The following AMZ1 variants were observed in gnomAD, a reference collection of about 807,000 sequenced individuals.
The protein encoded by AMZ1 is archaelysin family metallopeptidase 1, also known as archaemetzincin-1.
In AMZ1, 39 loss-of-function variants were observed where a neutral mutation model predicts 29.9. The observed-to-expected ratio is 1.30, with a 90% CI of 1.01 to 1.70. The LOEUF (loss-of-function observed/expected upper bound fraction) is 1.70. AMZ1 is among the 40% of genes most tolerant of loss of function. AMZ1 has a pLI of 0.00. For synonymous variants in AMZ1, 458 were observed against 304.0 expected, an observed-to-expected ratio of 1.51 and a Z score of -5.27; for missense variants, 1,041 against 680.6, an observed-to-expected ratio of 1.53 and a Z score of -5.89.
intron 4 of AMZ1, among the ~76,000 whole-genome samples, chr7:2,751,727 C>T (rs548662547): frequency 6.6e-6 from 1 of 152,292 alleles, no homozygotes; most frequent in South Asian, 2.1e-4. Context: ...GAGAATGTTC[C>T]AAACAACTTT....
Position 2,695,102 on chromosome 7 carries a change from G to A in AMZ1, c.-218-5132G>A, listed in dbSNP as rs898481711. 3.9e-5 allele frequency among the ~76,000 whole-genome samples: 6 copies of A among 152,142 alleles called. 1 individual carries two copies. Among genetic ancestry groups the A allele is most frequent in the East Asian group, 3.8e-4 (2 of 5,202 alleles). On this transcript the variant is annotated intron_variant, in intron 1 of 6. Transcript: ENST00000683327. ...CTGGCTGACTTGGGTCTGTCCTCACGGCTCCTCCTTGCTCAGCCTCTGGCC... is the reference window on the plus strand; with the variant it reads ...CTGGCTGACTTGGGTCTGTCCTCACAGCTCCTCCTTGCTCAGCCTCTGGCC...
chr7:2,694,918 C>T (rs1175025391), intron 1 of AMZ1, among the ~76,000 whole-genome samples: 1 of 152,184 alleles, frequency 6.6e-6, no homozygotes, highest in East Asian at 1.9e-4. Context: ...AGTGATCCGC[C>T]TGCCTCGACC....
chr7:2,738,945 G>A (rs1341040700), intron 4 of AMZ1, among the ~76,000 whole-genome samples: 1 of 151,984 alleles, frequency 6.6e-6, no homozygotes, highest in Non-Finnish European at 1.5e-5. Context: ...CTGTGCCTGT[G>A]GACACCTCGT....
intron 6 of AMZ1, among the ~76,000 whole-genome samples, chr7:2,710,779 C>A (rs1788722831): frequency 6.6e-6 from 1 of 152,214 alleles, no homozygotes; most frequent in African/African-American, 2.4e-5. Context: ...TGGGGGGAAC[C>A]CAGGCGCAGC....
intron 1 of AMZ1, among the ~76,000 whole-genome samples, chr7:2,691,730 C>CA (rs55752807): frequency 0.014 from 1,195 of 84,614 alleles, 47 homozygotes; most frequent in African/African-American, 0.048. Flanking sequence ...GGCTCCGTCT[C>CA]AAAAAAAAAA....
At chr7:2,708,968 C>G (rs573124716) in intron 4 of AMZ1, 107 bp from the exon 5 acceptor site, 3 of 1,394,528 alleles carry the variant, frequency 2.2e-6, no homozygotes, top group African/African-American at 2.9e-5. Flanking sequence ...ACTGGTATGT[C>G]TTTGGGCCAT....
chr7:2,744,987 C>T (rs548387671), intron 4 of AMZ1, among the ~76,000 whole-genome samples: 22 of 152,186 alleles, frequency 1.4e-4, no homozygotes, highest in Admixed American at 2.6e-4. Flanking sequence ...TAAAAAGAAA[C>T]GAACAAGGCC....
intron 1 of AMZ1, among the ~76,000 whole-genome samples, chr7:2,689,306 C>T (rs974538389): frequency 9.9e-5 from 15 of 152,092 alleles, no homozygotes; most frequent in African/African-American, 3.4e-4. Flanking sequence ...GGCAGCCTGA[C>T]CTTGGATACC....
Position 2,716,148 on chromosome 7 carries a change from A to T in AMZ1, c.*3270A>T, listed in dbSNP as rs577023353. 6.6e-6 allele frequency: 1 copy of T among 152,352 alleles called. No homozygotes were observed. Among genetic ancestry groups the T allele is most frequent in the South Asian group, 2.1e-4 (1 of 4,826 alleles). The allele number at this position is 152,352 out of a possible 1,614,324, so 9.4% of individuals were successfully genotyped here. On this transcript the variant is annotated 3_prime_UTR_variant, in exon 7 of 7. Coordinates refer to ENST00000683327, the MANE Select transcript of AMZ1 (RefSeq NM_001384743.1). ...GTGCGATGAGTCTGGGGAAGCTAAC[A>T]CATGCCTTCTGAAGTGGCTAGAATA...
intron 4 of AMZ1, among the ~76,000 whole-genome samples, chr7:2,751,949 G>C (rs572829244): frequency 6.6e-6 from 1 of 152,128 alleles, no homozygotes; most frequent in Admixed American, 6.5e-5. Flanking sequence ...ACTAACGAAC[G>C]TGAACTTTTT....
At chr7:2,697,558 G>A (rs779893466) in intron 1 of AMZ1, among the ~76,000 whole-genome samples, 3 of 151,810 alleles carry the variant, frequency 2.0e-5, no homozygotes, top group Non-Finnish European at 4.4e-5. Flanking sequence ...TGAGTTGCTG[G>A]GACTACAGGT....
intron 1 of AMZ1, among the ~76,000 whole-genome samples, chr7:2,692,585 C>T (rs1391069218): frequency 6.6e-6 from 1 of 152,042 alleles, no homozygotes; most frequent in African/African-American, 2.4e-5. Flanking sequence ...CATGCCAGAG[C>T]CCTCGGAGTT....
chr7:2,735,028 T>G (rs1437102959), intron 4 of AMZ1, among the ~76,000 whole-genome samples: 1 of 152,206 alleles, frequency 6.6e-6, no homozygotes, highest in Non-Finnish European at 1.5e-5. Context: ...CCCGTGGCTG[T>G]GCCAAGTCCC....
rs748921179 is a variant in AMZ1 at position 2,700,686 on chromosome 7, A to T, written c.235A>T (p.Thr79Ser). 1 of 1,612,824 alleles carries T rather than the reference A, an allele frequency of 6.2e-7. No homozygotes were observed. The highest frequency in any genetic ancestry group is 1.7e-5 in the Admixed American group (1 of 60,022). The change falls in exon 2 of 7, where the codon ACC (threonine) becomes TCC (serine). Residue 79 changes from threonine (T) to serine (S), a missense_variant. By Grantham distance (58) the Thr-to-Ser change is moderately conservative. Transcript: ENST00000683327. ...SRPEAPEDFQ[T>S]FHASLQHRKP... ...ACCCGAGGCTCCCGAGGACTTCCAG[A>T]CCTTCCACGCCTCCCTGCAGCACCG...
At chr7:2,724,103 G>GT (rs1479298370), downstream of AMZ1, among the ~76,000 whole-genome samples, 3 of 150,986 alleles carry the variant, frequency 2.0e-5, no homozygotes, top group Admixed American at 1.3e-4. Context: ...GATGGGGAGT[G>GT]GGGGGGCGGG....
chr7:2,709,229 G>C lies in AMZ1; in HGVS notation c.756G>C (p.Met252Ile). ...GWALCFSALGMVQCCKVTCHE... is the reference protein window; with the variant it reads ...GWALCFSALGIVQCCKVTCHE... The stretch of plus-strand genomic sequence containing the variant: ...CCCTGTGCTTCAGTGCCCTGGGGAT[G>C]GTTCAGTGCTGCAAGGTGGGTGGGG... The change falls in exon 5 of 7, where the codon ATG becomes ATC. Residue 252 changes from methionine (M) to isoleucine (I), a missense_variant. Transcript: ENST00000683327. 6.7e-7 allele frequency: 1 copy of C among 1,502,736 alleles called. No homozygotes were observed. Among genetic ancestry groups the C allele is most frequent in the South Asian group, 1.4e-5 (1 of 73,776 alleles). The allele number at this position is 1,502,736 out of a possible 1,614,324, so 93.1% of individuals were successfully genotyped here.
At chr7:2,696,320 G>C (rs57595643) in intron 1 of AMZ1, among the ~76,000 whole-genome samples, 2 of 145,916 alleles carry the variant, frequency 1.4e-5, no homozygotes, top group African/African-American at 2.5e-5. Flanking sequence ...GCAGTGGTGC[G>C]ATCTTGGCTC....
At chr7:2,728,657 C>A (rs905309037) in intron 4 of AMZ1, 2 of 152,496 alleles carry the variant, frequency 1.3e-5, no homozygotes, top group Non-Finnish European at 2.9e-5. Context: ...TAAGGATTAA[C>A]AGTGAAATTA....
chr7:2,733,315 A>T, intron 4 of AMZ1: 1 of 723,400 alleles, frequency 1.4e-6, no homozygotes, highest in Non-Finnish European at 2.5e-6. Flanking sequence ...CCATTACAGT[A>T]CTATTCGTGG....
Sources: gnomAD v4.1 joint callset for allele counts (sites outside exome capture counted in the v4.1 genomes callset) on GRCh38, gnomAD v4.1.1 for gene constraint, MANE v1.5 for transcripts, NCBI Gene and HGNC (gene_info 2026-07-23, HGNC 2026-07-21) for gene names.